ARHGAP26: variants seen among roughly 807,000 people sequenced by gnomAD.
ARHGAP26 encodes Rho GTPase activating protein 26, also known as rho GTPase-activating protein 26.
A neutral mutation model predicts 104.8 loss-of-function variants in ARHGAP26; 38 were observed. The ratio of observed to expected loss-of-function variants is 0.36; its 90% CI spans 0.28 to 0.48. The LOEUF is 0.48. Among genes scored for constraint, ARHGAP26 ranks in the 20% least tolerant of loss-of-function variants. The probability of loss-of-function intolerance (pLI) is 0.99; values close to 1 mark genes in which losing one functional copy is unlikely to be tolerated. For missense variants in ARHGAP26, 704 were observed against 947.9 expected (o/e 0.74, Z 3.38); for synonymous variants, 341 against 340.0 (o/e 1.00, Z -0.03).
intron 19 of ARHGAP26, among the ~76,000 whole-genome samples, chr5:143,138,151 T>C (rs1211435725): frequency 6.6e-6 from 1 of 152,204 alleles, no homozygotes; most frequent in Non-Finnish European, 1.5e-5. Context: ...GGTGGTTTTG[T>C]GTTTTGTTTT....
At position 143,227,066 on chromosome 5, in the gene ARHGAP26, C is replaced by G. The variant is rs1811734347; in HGVS notation, c.*4620C>G. 4.3e-6 allele frequency: 1 copy of G among 230,574 alleles called. No homozygotes were observed. Among genetic ancestry groups the G allele is most frequent in the Non-Finnish European group, 8.6e-6 (1 of 116,504 alleles). 14.3% of individuals were successfully genotyped at this position (230,574 alleles called of 1,614,324 possible). A position where few individuals can be genotyped will look rare whatever the true frequency, so the allele number is the denominator to read the frequency against. The stretch of plus-strand genomic sequence containing the variant: ...ACAGAAAGAAGAAGCCAAAGATAAC[C>G]TGATCCCTGCCTGTCTGTTGGCACC... On this transcript the variant is annotated 3_prime_UTR_variant, in exon 23 of 23. Coordinates refer to ENST00000645722, the MANE Select transcript of ARHGAP26 (RefSeq NM_001135608.3).
chr5:143,211,964 CT>C (rs1809535754), intron 21 of ARHGAP26, among the ~76,000 whole-genome samples: 1 of 152,190 alleles, frequency 6.6e-6, no homozygotes, highest in Non-Finnish European at 1.5e-5. Context: ...ACCTGGACCA[CT>C]CCCTTTTATT....
chr5:142,943,363 T>C (rs979326078), intron 11 of ARHGAP26, among the ~76,000 whole-genome samples: 2 of 152,126 alleles, frequency 1.3e-5, no homozygotes, highest in Admixed American at 1.3e-4. Context: ...ATTTTTGGAG[T>C]CTGGGAAATC....
rs144700557 is a variant in ARHGAP26 at position 143,181,910 on chromosome 5, G to A, written c.1989-25288G>A. 1.8e-3 allele frequency among the ~76,000 whole-genome samples: 273 copies of A among 152,272 alleles called. 1 individual carries two copies. The highest frequency in any genetic ancestry group is 6.4e-3 in the African/African-American group (265 of 41,542). On this transcript the variant is annotated intron_variant, in intron 20 of 22. Transcript: ENST00000645722. Reference sequence around the variant, plus strand: ...CTAAACTGTTTCTCATGGTCTACATGGTCAGCCATTGTTTACCTGACTTAA... The same window carrying A: ...CTAAACTGTTTCTCATGGTCTACATAGTCAGCCATTGTTTACCTGACTTAA...
intron 1 of ARHGAP26, among the ~76,000 whole-genome samples, chr5:142,809,973 C>T (rs997233913): frequency 2.0e-5 from 3 of 152,190 alleles, no homozygotes; most frequent in African/African-American, 7.2e-5. Flanking sequence ...TACCTTTCTA[C>T]AGCTGTGGAT....
At chr5:142,949,211 GAGAGAGAGAGGAGA>G (rs1767837113) in intron 11 of ARHGAP26, among the ~76,000 whole-genome samples, 7 of 65,496 alleles carry the variant, frequency 1.1e-4, no homozygotes, top group East Asian at 3.5e-3. Flanking sequence ...GAGAGAGAGA[GAGAGAGAGAGGAGA>G]GAGAGAGGAG....
chr5:142,853,765 T>C (rs540076556), intron 1 of ARHGAP26, among the ~76,000 whole-genome samples: 3 of 152,248 alleles, frequency 2.0e-5, no homozygotes, highest in African/African-American at 4.8e-5. Context: ...TCCTTCTCAG[T>C]GTGTAGGCAG....
chr5:142,817,011 A>G (rs1765271728), intron 1 of ARHGAP26, among the ~76,000 whole-genome samples: 1 of 152,126 alleles, frequency 6.6e-6, no homozygotes, highest in Admixed American at 6.5e-5. Flanking sequence ...TTGATCACTG[A>G]CTAGATGCAG....
rs186373514 is a variant in ARHGAP26, at chr5:143,221,914, G to A, written c.2192-444G>A. Reference sequence around the variant, plus strand: ...TAGTTGATACTGGGCAGGTGGGTGGGTGGATGGATGGAAGGAAGGAAGGAA... The same window carrying A: ...TAGTTGATACTGGGCAGGTGGGTGGATGGATGGATGGAAGGAAGGAAGGAA... On this transcript the variant is annotated intron_variant, in intron 22 of 22. Coordinates refer to ENST00000645722, the MANE Select transcript of ARHGAP26 (RefSeq NM_001135608.3). 5.3e-3 allele frequency among the ~76,000 whole-genome samples: 653 copies of A among 122,276 alleles called. 23 individuals are homozygous for A. The highest frequency in any genetic ancestry group is 0.05 in the Admixed American group (617 of 12,236). 80.2% of individuals were successfully genotyped at this position (122,276 alleles called of 152,430 possible). A position where few individuals can be genotyped will look rare whatever the true frequency, so the allele number is the denominator to read the frequency against.
chr5:142,878,824 G>A (rs1220565661), intron 3 of ARHGAP26, among the ~76,000 whole-genome samples: 2 of 152,116 alleles, frequency 1.3e-5, no homozygotes, highest in East Asian at 3.9e-4. Flanking sequence ...TGAGGGGTGA[G>A]CCCTGTGAGA....
intron 1 of ARHGAP26, among the ~76,000 whole-genome samples, chr5:142,804,479 A>C (rs1037973878): frequency 8.5e-5 from 13 of 152,232 alleles, no homozygotes; most frequent in African/African-American, 3.1e-4. Context: ...CATAGGTTTG[A>C]ACAGATTTTA....
intron 17 of ARHGAP26, among the ~76,000 whole-genome samples, chr5:143,077,913 C>T (rs374442123): frequency 6.6e-6 from 1 of 152,156 alleles, no homozygotes; most frequent in Non-Finnish European, 1.5e-5. Context: ...TCCCCTCCCC[C>T]AACCCTGGTT....
intron 22 of ARHGAP26, 130 bp downstream of exon 22, chr5:143,214,218 G>A (rs1022646553): frequency 1.2e-5 from 7 of 599,922 alleles, no homozygotes; most frequent in Admixed American, 2.7e-5. Flanking sequence ...AAAAGTGTGT[G>A]TGCGTCTGTG....
intron 1 of ARHGAP26, among the ~76,000 whole-genome samples, chr5:142,869,107 T>G (rs1196714052): frequency 1.3e-5 from 2 of 152,330 alleles, no homozygotes; most frequent in African/African-American, 2.4e-5. Flanking sequence ...TCTTGAACTT[T>G]AGGCAGCCAT....
rs3059587 is a variant in ARHGAP26 at position 142,791,082 on chromosome 5, G to GT, written c.154+20182dup. Among the ~76,000 whole-genome samples, 501 of 142,716 alleles carry GT rather than the reference G, an allele frequency of 3.5e-3. 1 individual carries two copies. The highest frequency in any genetic ancestry group is 3.4e-3 in the Non-Finnish European group (223 of 65,204). The allele number at this position is 142,716 out of a possible 152,430, so 93.6% of individuals were successfully genotyped here. Reference sequence around the variant, plus strand: ...TCCTTAGGGTTTATTTTGCTTTAAAGTTTTTTTTTTTTTTTGAGACAGAGT... The same window carrying GT: ...TCCTTAGGGTTTATTTTGCTTTAAAGTTTTTTTTTTTTTTTTGAGACAGAGT... On this transcript the variant is annotated intron_variant, in intron 1 of 22. Coordinates refer to ENST00000645722, the MANE Select transcript of ARHGAP26 (RefSeq NM_001135608.3).
At chr5:142,998,233 T>A (rs963322256) in intron 11 of ARHGAP26, among the ~76,000 whole-genome samples, 3 of 152,310 alleles carry the variant, frequency 2.0e-5, no homozygotes, top group Middle Eastern at 3.4e-3. Context: ...TATATTCCTT[T>A]TATGTTAAGA....
At chr5:142,786,445 T>C (rs780379053) in intron 1 of ARHGAP26, among the ~76,000 whole-genome samples, 1 of 152,132 alleles carries the variant, frequency 6.6e-6, no homozygotes, top group African/African-American at 2.4e-5. Flanking sequence ...TAGAGGAGCA[T>C]GCTACCATGC....
intron 20 of ARHGAP26, chr5:143,168,481 A>G (rs926736440): frequency 2.1e-4 from 11 of 52,234 alleles, no homozygotes; most frequent in African/African-American, 6.2e-4. Context: ...TTTTTTGCTC[A>G]AATTTTCTTC....
intron 1 of ARHGAP26, among the ~76,000 whole-genome samples, chr5:142,813,190 C>A (rs781662837): frequency 6.6e-6 from 1 of 152,180 alleles, no homozygotes; most frequent in Non-Finnish European, 1.5e-5. Flanking sequence ...ATCCACCCGC[C>A]TTGGCCTCCC....
Sources: allele counts gnomAD v4.1 joint callset (sites outside exome capture counted in the v4.1 genomes callset), GRCh38; gene constraint gnomAD v4.1.1; transcripts MANE v1.5; gene names NCBI Gene and HGNC (gene_info 2026-07-23, HGNC 2026-07-21).